The following NKAIN3 variants were observed in gnomAD, a reference collection of about 807,000 sequenced individuals.
NKAIN3 encodes the protein sodium/potassium-transporting ATPase subunit beta-1-interacting protein 3.
In NKAIN3, 25 loss-of-function variants were observed where a neutral mutation model predicts 30.2. The observed-to-expected ratio is 0.83, with a 90% CI of 0.60 to 1.16. NKAIN3 has a LOEUF of 1.16. Ranked by LOEUF, NKAIN3 falls within the 50% of genes most tolerant of loss-of-function variation. The pLI, the probability that NKAIN3 is intolerant of heterozygous loss-of-function variation, is 0.00. For synonymous variants in NKAIN3, 91 were observed against 89.6 expected, an observed-to-expected ratio of 1.02 and a Z score of -0.09; for missense variants, 225 against 254.1, an observed-to-expected ratio of 0.89 and a Z score of 0.78.
At chr8:62,725,709 A>G (rs1416846104) in intron 3 of NKAIN3, among the ~76,000 whole-genome samples, 3 of 152,004 alleles carry the variant, frequency 2.0e-5, no homozygotes, top group Admixed American at 6.6e-5. Context: ...TCAGTGGTCC[A>G]TGTGTCTGCC....
At chr8:62,579,060 A>C (rs1175805003) in intron 1 of NKAIN3, among the ~76,000 whole-genome samples, 1 of 152,106 alleles carries the variant, frequency 6.6e-6, no homozygotes, top group African/African-American at 2.4e-5. Flanking sequence ...AATGTTCCTA[A>C]CAAAAAGAAA....
chr8:62,426,628 T>G lies in NKAIN3; in HGVS notation c.55-152911T>G, dbSNP rs572596993. Among the ~76,000 whole-genome samples the G allele has an allele frequency of 1.1e-4, 17 of 152,138 alleles. No homozygotes were observed. In the East Asian group the frequency reaches 3.1e-3, roughly 28 times the overall value. ...TGTATCTGCAGTGCTTTCCCAAACT[T>G]GCTCCATTTTCCTCTTGATTCCTTG... On this transcript the variant is annotated intron_variant, in intron 1 of 6. Transcript: ENST00000623646.
chr8:62,433,234 C>G (rs374953785), intron 1 of NKAIN3, among the ~76,000 whole-genome samples: 1 of 152,040 alleles, frequency 6.6e-6, no homozygotes, highest in East Asian at 1.9e-4. Flanking sequence ...TGCGAGCCAT[C>G]TCTGGGCAGA....
intron 1 of NKAIN3, among the ~76,000 whole-genome samples, chr8:62,392,836 C>A (rs1384041530): frequency 6.6e-6 from 1 of 151,840 alleles, no homozygotes; most frequent in Non-Finnish European, 1.5e-5. Flanking sequence ...ATTTCAAATA[C>A]CCTCTTCAAA....
chr8:62,371,857 A>G (rs1816917194), intron 1 of NKAIN3, among the ~76,000 whole-genome samples: 1 of 151,960 alleles, frequency 6.6e-6, no homozygotes, highest in Non-Finnish European at 1.5e-5. Flanking sequence ...GGAAGTTTCT[A>G]AAACTTTCTT....
At chr8:62,800,977 C>T (rs1208468382) in intron 4 of NKAIN3, among the ~76,000 whole-genome samples, 15 of 152,340 alleles carry the variant, frequency 9.8e-5, no homozygotes, top group Admixed American at 3.3e-4. Flanking sequence ...CTGCACCTGG[C>T]TCGGAGGGTC....
At position 62,747,055 on chromosome 8, in the gene NKAIN3, G is replaced by A. The variant is rs758156404; in HGVS notation, c.397G>A (p.Val133Ile). Residue 133 changes from valine to isoleucine, a missense_variant, in exon 4 of 7, where the codon GTC (valine) becomes ATC (isoleucine). By Grantham distance (29) the Val-to-Ile change is conservative. Coordinates refer to ENST00000623646, the MANE Select transcript of NKAIN3 (RefSeq NM_001304533.3). The part of the protein sequence containing the change: ...AHGMMDDYTY[V>I]SVTGCIVDFQ... Reference sequence around the variant, plus strand: ...TGGCATGATGGACGATTACACGTACGTCTCTGTCACAGGCTGCATCGTTGA... The same window carrying A: ...TGGCATGATGGACGATTACACGTACATCTCTGTCACAGGCTGCATCGTTGA... 32 of 1,613,462 alleles carry A rather than the reference G, an allele frequency of 2.0e-5. No individual in the cohort carries two copies. The highest frequency in any genetic ancestry group is 1.3e-4 in the South Asian group (12 of 91,062).
At chr8:62,650,351 C>G (rs1812586892) in intron 3 of NKAIN3, among the ~76,000 whole-genome samples, 1 of 152,168 alleles carries the variant, frequency 6.6e-6, no homozygotes. Flanking sequence ...CCTATAGTCA[C>G]TCTTTGCTCC....
chr8:62,335,991 T>C (rs973757075), intron 1 of NKAIN3, among the ~76,000 whole-genome samples: 5 of 152,074 alleles, frequency 3.3e-5, no homozygotes, highest in Admixed American at 2.0e-4. Flanking sequence ...ACATATATTA[T>C]GATTTCTATA....
intron 3 of NKAIN3, among the ~76,000 whole-genome samples, chr8:62,666,843 C>A (rs1813119781): frequency 6.6e-6 from 1 of 152,060 alleles, no homozygotes. Context: ...ATTCATCAAA[C>A]CCACTTCAAG....
At chr8:62,451,731 G>T (rs950219552) in intron 1 of NKAIN3, among the ~76,000 whole-genome samples, 2 of 152,084 alleles carry the variant, frequency 1.3e-5, no homozygotes, top group African/African-American at 4.8e-5. Flanking sequence ...TTCTTGATTT[G>T]CATACTTTAT....
intron 5 of NKAIN3, among the ~76,000 whole-genome samples, chr8:62,920,316 C>T (rs1244036439): frequency 2.0e-5 from 3 of 152,202 alleles, no homozygotes; most frequent in African/African-American, 7.2e-5. Context: ...CCTCACTAAA[C>T]TGGTCAAAGA....
chr8:62,510,295 G>A (rs1807779524), intron 1 of NKAIN3, among the ~76,000 whole-genome samples: 1 of 152,030 alleles, frequency 6.6e-6, no homozygotes, highest in African/African-American at 2.4e-5. Flanking sequence ...AAACTGAAAG[G>A]GCATTAAGGG....
intron 1 of NKAIN3, among the ~76,000 whole-genome samples, chr8:62,455,136 C>T (rs1174518523): frequency 1.3e-5 from 2 of 152,078 alleles, no homozygotes; most frequent in Non-Finnish European, 2.9e-5. Context: ...GGGGGATGTC[C>T]CTAGAGAATA....
At chr8:62,249,996 G>C (rs1332037468) in intron 1 of NKAIN3, among the ~76,000 whole-genome samples, 1 of 152,226 alleles carries the variant, frequency 6.6e-6, no homozygotes, top group East Asian at 1.9e-4. Flanking sequence ...TTGTGTGTGA[G>C]AGATTAATAG....
chr8:62,750,509 G>A (rs1390190752), intron 4 of NKAIN3, among the ~76,000 whole-genome samples: 3 of 152,126 alleles, frequency 2.0e-5, no homozygotes, highest in African/African-American at 7.2e-5. Flanking sequence ...TGGGGCTCAG[G>A]GAGCATCCCC....
At chr8:62,603,951 C>G (rs1811051372) in intron 3 of NKAIN3, among the ~76,000 whole-genome samples, 2 of 152,064 alleles carry the variant, frequency 1.3e-5, no homozygotes, top group Admixed American at 1.3e-4. Context: ...AAGCCACTAA[C>G]AGAATGACAG....
intron 1 of NKAIN3, among the ~76,000 whole-genome samples, chr8:62,547,379 G>C (rs1163295431): frequency 6.6e-6 from 1 of 152,124 alleles, no homozygotes; most frequent in Non-Finnish European, 1.5e-5. Context: ...AAGATAACTA[G>C]ATGAAGCCTT....
intron 4 of NKAIN3, among the ~76,000 whole-genome samples, chr8:62,861,258 A>T (rs4737616): frequency 0.073 from 11,151 of 152,242 alleles, 712 homozygotes; most frequent in East Asian, 0.27. Context: ...CACACACACA[A>T]ACCATAGTGT....
Sources: allele counts gnomAD v4.1 joint callset (sites outside exome capture counted in the v4.1 genomes callset), GRCh38; gene constraint gnomAD v4.1.1; transcripts MANE v1.5; gene names NCBI Gene and HGNC (gene_info 2026-07-23, HGNC 2026-07-21).